CLSTN2: variants seen among roughly 807,000 people sequenced by gnomAD.
The protein encoded by CLSTN2 is calsyntenin 2, also known as calsyntenin-2.
Under a neutral mutation model 101.2 loss-of-function variants are expected in CLSTN2, and 48 were observed. The observed-to-expected ratio is 0.47, with a 90% CI of 0.38 to 0.60. The LOEUF is 0.60. CLSTN2 is among the 20% of genes least tolerant of loss of function. The pLI, the probability that CLSTN2 is intolerant of heterozygous loss-of-function variation, is 0.00. For synonymous variants in CLSTN2, 481 were observed against 463.6 expected (o/e 1.04, Z -0.48); for missense variants, 1,160 against 1,238.2 (o/e 0.94, Z 0.95).
chr3:140,115,001 T>C (rs2009217303), intron 1 of CLSTN2, among the ~76,000 whole-genome samples: 1 of 152,198 alleles, frequency 6.6e-6, no homozygotes, highest in Non-Finnish European at 1.5e-5. Flanking sequence ...TCAGTACCTG[T>C]GTAGTATCTT....
chr3:139,942,495 A>C (rs553305991), intron 1 of CLSTN2, among the ~76,000 whole-genome samples: 1 of 152,310 alleles, frequency 6.6e-6, no homozygotes, highest in South Asian at 2.1e-4. Context: ...GCCAGGATAC[A>C]TACTTTTAAA....
chr3:140,528,302 G>C (rs949623488), intron 8 of CLSTN2, among the ~76,000 whole-genome samples: 1 of 151,852 alleles, frequency 6.6e-6, no homozygotes, highest in African/African-American at 2.4e-5. Context: ...ATTGCCTACA[G>C]AATAAAAGCA....
intron 1 of CLSTN2, among the ~76,000 whole-genome samples, chr3:140,173,051 T>G (rs1312995538): frequency 6.6e-6 from 1 of 152,234 alleles, no homozygotes; most frequent in Non-Finnish European, 1.5e-5. Context: ...TTAACTCATT[T>G]TAGCATTAAT....
At chr3:140,335,033 G>T (rs895925468) in intron 2 of CLSTN2, among the ~76,000 whole-genome samples, 1 of 152,198 alleles carries the variant, frequency 6.6e-6, no homozygotes, top group African/African-American at 2.4e-5. Context: ...GCAAAGGGGG[G>T]CTTTTAAGGG....
At chr3:140,393,335 G>T (rs1415006158) in intron 2 of CLSTN2, among the ~76,000 whole-genome samples, 1 of 152,190 alleles carries the variant, frequency 6.6e-6, no homozygotes, top group Non-Finnish European at 1.5e-5. Context: ...TGAATATTAA[G>T]TCTTCCTCTG....
At chr3:140,553,471 C>A (rs559416907) in intron 10 of CLSTN2, among the ~76,000 whole-genome samples, 82 of 152,318 alleles carry the variant, frequency 5.4e-4, no homozygotes, top group Non-Finnish European at 9.0e-4. Context: ...CCACAAAGCC[C>A]ATGCTCTTTT....
intron 1 of CLSTN2, among the ~76,000 whole-genome samples, chr3:140,029,273 A>G (rs2007496742): frequency 6.6e-6 from 1 of 152,238 alleles, no homozygotes; most frequent in Admixed American, 6.5e-5. Context: ...TGGAGGTTTT[A>G]TGAAAAGAAG....
chr3:140,485,466 A>G (rs1303113483), intron 8 of CLSTN2, among the ~76,000 whole-genome samples: 1 of 152,172 alleles, frequency 6.6e-6, no homozygotes, highest in African/African-American at 2.4e-5. Flanking sequence ...TGGGAGAACC[A>G]CTACTCTCTT....
At chr3:140,000,442 T>A (rs970749831) in intron 1 of CLSTN2, among the ~76,000 whole-genome samples, 1 of 152,230 alleles carries the variant, frequency 6.6e-6, no homozygotes, top group Admixed American at 6.5e-5. Context: ...AAATAAGATG[T>A]AATAAATCAT....
intron 10 of CLSTN2, among the ~76,000 whole-genome samples, chr3:140,548,497 G>A (rs1035272131): frequency 6.6e-6 from 1 of 152,146 alleles, no homozygotes. Context: ...TGGCAGTCAG[G>A]GAAGCCTCCT....
chr3:140,001,939 C>T (rs1378403269), intron 1 of CLSTN2, among the ~76,000 whole-genome samples: 1 of 152,178 alleles, frequency 6.6e-6, no homozygotes, highest in Non-Finnish European at 1.5e-5. Context: ...CATTTTGTTG[C>T]AAATGACAGG....
intron 1 of CLSTN2, among the ~76,000 whole-genome samples, chr3:140,114,565 G>A (rs779451838): frequency 6.6e-6 from 1 of 152,118 alleles, no homozygotes; most frequent in Non-Finnish European, 1.5e-5. Context: ...AGGGATAATA[G>A]CTCTTATTGT....
At chr3:140,490,113 TATATACACACACACACACACAC>T (rs1559884954) in intron 8 of CLSTN2, among the ~76,000 whole-genome samples, 99 of 8,064 alleles carry the variant, frequency 0.012, 20 homozygotes, top group East Asian at 0.036. Context: ...TATATATATA[TATATACACACACACACACACAC>T]ACACACACAC....
At chr3:140,495,083 G>A (rs1425172780) in intron 8 of CLSTN2, among the ~76,000 whole-genome samples, 1 of 152,170 alleles carries the variant, frequency 6.6e-6, no homozygotes, top group Non-Finnish European at 1.5e-5. Flanking sequence ...CCCACCAACT[G>A]TATAAAAGTG....
intron 2 of CLSTN2, among the ~76,000 whole-genome samples, chr3:140,327,497 A>G (rs1272604724): frequency 6.6e-6 from 1 of 152,222 alleles, no homozygotes; most frequent in East Asian, 1.9e-4. Context: ...CTTGAAGACC[A>G]CTAGCCAGAC....
intron 2 of CLSTN2, among the ~76,000 whole-genome samples, chr3:140,249,837 G>T (rs2086547394): frequency 6.6e-6 from 1 of 152,172 alleles, no homozygotes; most frequent in South Asian, 2.1e-4. Flanking sequence ...GAGATGTCAA[G>T]AAAGGGTTTA....
At chr3:140,534,383 CA>C (rs1935319383) in intron 9 of CLSTN2, among the ~76,000 whole-genome samples, 1 of 152,208 alleles carries the variant, frequency 6.6e-6, no homozygotes, top group Non-Finnish European at 1.5e-5. Flanking sequence ...AGGCCAGCTA[CA>C]GCAACTGCTG....
At chr3:140,344,201 G>A (rs1022567917) in intron 2 of CLSTN2, among the ~76,000 whole-genome samples, 4 of 152,196 alleles carry the variant, frequency 2.6e-5, no homozygotes, top group African/African-American at 9.7e-5. Context: ...ATCATCTGGA[G>A]TTTAGGCTGA....
intron 4 of CLSTN2, among the ~76,000 whole-genome samples, chr3:140,416,378 AACAC>A (rs3035956): frequency 1.5e-4 from 23 of 151,262 alleles, no homozygotes; most frequent in Admixed American, 2.6e-4. Context: ...CACACACACA[AACAC>A]ACACACACAC....
Sources: allele counts gnomAD v4.1 joint callset (sites outside exome capture counted in the v4.1 genomes callset), GRCh38; gene constraint gnomAD v4.1.1; transcripts MANE v1.5; gene names NCBI Gene and HGNC (gene_info 2026-07-23, HGNC 2026-07-21).